OSMR: variants seen among roughly 807,000 people sequenced by gnomAD.
OSMR encodes oncostatin-M-specific receptor subunit beta.
Under a neutral mutation model 99.9 loss-of-function variants are expected in OSMR, and 81 were observed. The ratio of observed to expected loss-of-function variants is 0.81; its 90% CI spans 0.68 to 0.97. The LOEUF is 0.97. Ranked by LOEUF, OSMR falls within the 50% of genes least tolerant of loss-of-function variation. The probability of loss-of-function intolerance (pLI) is 0.00; values close to 1 mark genes in which losing one functional copy is unlikely to be tolerated. For synonymous variants in OSMR, 406 were observed against 410.4 expected (o/e 0.99, Z 0.13); for missense variants, 1,099 against 1,153.4 (o/e 0.95, Z 0.68).
chr5:38,878,898 C>A (rs577177900), intron 3 of OSMR, among the ~76,000 whole-genome samples: 1 of 152,164 alleles, frequency 6.6e-6, no homozygotes, highest in Admixed American at 6.5e-5. Flanking sequence ...CAACTCATTG[C>A]ATATTAATGA....
chr5:38,943,025 T>C, intron 1 of OSMR: 1 of 1,361,106 alleles, frequency 7.3e-7, no homozygotes, highest in East Asian at 2.3e-5. Context: ...GTATCTATTT[T>C]TCCTCCAAGG....
At chr5:38,869,841 A>G (rs1561348461) in intron 2 of OSMR, among the ~76,000 whole-genome samples, 1 of 151,934 alleles carries the variant, frequency 6.6e-6, no homozygotes, top group South Asian at 2.1e-4. Flanking sequence ...TTTCATCTGT[A>G]TTTTACAAAG....
At chr5:38,900,800 G>T (rs1744841631) in intron 7 of OSMR, among the ~76,000 whole-genome samples, 1 of 152,200 alleles carries the variant, frequency 6.6e-6, no homozygotes, top group Admixed American at 6.5e-5. Context: ...TTTGTGCATG[G>T]TTGTGGCTTT....
At chr5:38,896,189 T>G (rs1027110844) in intron 7 of OSMR, among the ~76,000 whole-genome samples, 4 of 152,078 alleles carry the variant, frequency 2.6e-5, no homozygotes, top group Admixed American at 2.6e-4. Context: ...GTAAGGAATG[T>G]CTTTGGTATT....
chr5:38,932,422 T>C (rs752746288), intron 16 of OSMR, 41 bp from the exon 17 acceptor site: 12 of 1,450,818 alleles, frequency 8.3e-6, no homozygotes, highest in Non-Finnish European at 1.2e-5. Context: ...ACTCGTCCAC[T>C]GTACTGTGAA....
chr5:38,883,709 T>C, intron 4 of OSMR, 118 bp from the exon 5 acceptor site: 11 of 1,569,512 alleles, frequency 7.0e-6, no homozygotes, highest in Non-Finnish European at 9.5e-6. Context: ...TTTAGGTTGC[T>C]ATTTTCTCCA....
chr5:38,934,949 C>T lies in OSMR; in HGVS notation c.*1505C>T, dbSNP rs1348514478. On this transcript the variant is annotated 3_prime_UTR_variant, in exon 18 of 18. Coordinates refer to ENST00000274276, the MANE Select transcript of OSMR (RefSeq NM_003999.3). ...CTCCCAGGGTCAAGCAATTCTCCTG[C>T]CTCAGCCTCCTGAGTAGCTGGGATT... 6.6e-6 allele frequency: 1 copy of T among 152,478 alleles called. No homozygotes were observed. Among genetic ancestry groups the T allele is most frequent in the Non-Finnish European group, 1.5e-5 (1 of 68,286 alleles). The allele number at this position is 152,478 out of a possible 1,614,324, so 9.4% of individuals were successfully genotyped here.
chr5:38,855,899 G>C (rs1373980835), intron 1 of OSMR, among the ~76,000 whole-genome samples: 1 of 152,130 alleles, frequency 6.6e-6, no homozygotes, highest in Non-Finnish European at 1.5e-5. Context: ...TATTTTGCCT[G>C]CTCTGTTCTG....
Position 38,865,806 on chromosome 5 carries a change from G to A in OSMR, c.-13-3226G>A, listed in dbSNP as rs112552080. Among the ~76,000 whole-genome samples, 226 of 152,348 alleles carry A rather than the reference G, an allele frequency of 1.5e-3. 1 individual carries two copies. The highest frequency in any genetic ancestry group is 5.1e-3 in the African/African-American group (212 of 41,592). On this transcript the variant is annotated intron_variant, in intron 1 of 17. Transcript: ENST00000274276. ...AGGCAGACAGATCTTCTGGCCCTTG[G>A]GCAGCATGTGTGGTGCTGGTAATGG...
intron 2 of OSMR, among the ~76,000 whole-genome samples, chr5:38,874,206 C>T (rs970782571): frequency 1.5e-4 from 23 of 152,074 alleles, no homozygotes; most frequent in Non-Finnish European, 2.4e-4. Flanking sequence ...TTATTTGATG[C>T]ACAAACTTGT....
chr5:38,885,603 C>T (rs558983556), intron 6 of OSMR, 119 bp downstream of exon 6: 4 of 1,334,676 alleles, frequency 3.0e-6, no homozygotes, highest in East Asian at 2.3e-5. Context: ...TTCAGAACCA[C>T]CTGCCAAGGT....
Position 38,915,058 on chromosome 5 carries a change from G to A in OSMR, c.1286-2488G>A, listed in dbSNP as rs77660158. 6.9e-3 allele frequency among the ~76,000 whole-genome samples: 1,053 copies of A among 152,192 alleles called. 4 individuals are homozygous for A. Among genetic ancestry groups the A allele is most frequent in the Non-Finnish European group, 0.01 (704 of 68,002 alleles). ...AAGGAAAGTAAAATGTAATAGGGAG[G>A]GATATGATTCACTAAATTTGATTAT... On this transcript the variant is annotated intron_variant, in intron 9 of 17. Coordinates refer to ENST00000274276, the MANE Select transcript of OSMR (RefSeq NM_003999.3).
chr5:38,942,177 C>T, intron 1 of OSMR: 1 of 498,432 alleles, frequency 2.0e-6, no homozygotes, highest in Non-Finnish European at 3.6e-6. Context: ...GTACCAGTAA[C>T]TGCGGAACAG....
At position 38,903,961 on chromosome 5, in the gene OSMR, C is replaced by T. The variant is rs764923552; in HGVS notation, c.1071C>T (p.Ser357=). 1.9e-5 allele frequency: 30 copies of T among 1,613,990 alleles called. No individual in the cohort carries two copies. In the South Asian group the frequency reaches 3.2e-4, roughly 17 times the overall value. The change falls in exon 8 of 18, where the codon TCC becomes TCT. Residue 357 remains serine, a synonymous_variant. Coordinates refer to ENST00000274276, the MANE Select transcript of OSMR (RefSeq NM_003999.3). ...TNAIMTWKVH[S]IRNNFTYLCQ... The stretch of plus-strand genomic sequence containing the variant: ...CCATCATGACCTGGAAGGTGCACTC[C>T]ATAAGGAATAATTTCACATATTTGT...
At chr5:38,942,181 G>A (rs1280600047) in intron 1 of OSMR, 1 of 512,546 alleles carries the variant, frequency 2.0e-6, no homozygotes, top group Non-Finnish European at 3.5e-6. Context: ...CAGTAACTGC[G>A]GAACAGTGTA....
Position 38,933,745 on chromosome 5 carries a change from C to T in OSMR, c.*301C>T. ...TTGACCTAAGGATATGCATTAACCA[C>T]TCTACAGACTCCCACTCAGTACTGT... On this transcript the variant is annotated 3_prime_UTR_variant, in exon 18 of 18. Coordinates refer to ENST00000274276, the MANE Select transcript of OSMR (RefSeq NM_003999.3). The T allele has an allele frequency of 2.4e-6, 1 of 421,992 alleles. No individual in the cohort carries two copies. The allele number at this position is 421,992 out of a possible 1,614,324, so 26.1% of individuals were successfully genotyped here. A position where few individuals can be genotyped will look rare whatever the true frequency, so the allele number is the denominator to read the frequency against.
chr5:38,868,695 G>A (rs563041265), intron 1 of OSMR, among the ~76,000 whole-genome samples: 1 of 152,298 alleles, frequency 6.6e-6, no homozygotes, highest in East Asian at 1.9e-4. Flanking sequence ...GTCTTTATCA[G>A]CAGTGTGAAA....
chr5:38,878,442 G>T (rs1455044117), intron 3 of OSMR, among the ~76,000 whole-genome samples: 2 of 152,104 alleles, frequency 1.3e-5, no homozygotes, highest in Non-Finnish European at 2.9e-5. Context: ...CAGAGGCACC[G>T]ACCTGTCTCC....
At chr5:38,894,814 A>G (rs1157073074) in intron 7 of OSMR, among the ~76,000 whole-genome samples, 1 of 152,070 alleles carries the variant, frequency 6.6e-6, no homozygotes, top group African/African-American at 2.4e-5. Context: ...GAGAAAACTA[A>G]CAAAGAAATT....
Sources: gnomAD v4.1 joint callset for allele counts (sites outside exome capture counted in the v4.1 genomes callset) on GRCh38, gnomAD v4.1.1 for gene constraint, MANE v1.5 for transcripts, NCBI Gene and HGNC (gene_info 2026-07-23, HGNC 2026-07-21) for gene names.